Variants in SPATA13 observed in about 807,000 individuals in gnomAD.
SPATA13 encodes the protein spermatogenesis-associated protein 13.
In SPATA13, 50 loss-of-function variants were observed where a neutral mutation model predicts 104.0. That is an observed-to-expected ratio of 0.48 (90% confidence interval 0.38 to 0.61). The LOEUF is 0.61. Among genes scored for constraint, SPATA13 ranks in the 20% least tolerant of loss-of-function variants. SPATA13 has a pLI of 0.00. For synonymous variants in SPATA13, 606 were observed against 667.5 expected (o/e 0.91, Z 1.42); for missense variants, 1,524 against 1,690.6 (o/e 0.90, Z 1.73).
intron 3 of SPATA13, among the ~76,000 whole-genome samples, chr13:24,037,308 A>G (rs955346094): frequency 4.6e-5 from 7 of 151,850 alleles, no homozygotes; most frequent in African/African-American, 1.7e-4. Flanking sequence ...CATATGTAAC[A>G]AACCTGCACG....
intron 3 of SPATA13, among the ~76,000 whole-genome samples, chr13:24,153,013 G>T (rs1882147841): frequency 6.6e-6 from 1 of 152,210 alleles, no homozygotes; most frequent in East Asian, 1.9e-4. Flanking sequence ...CAAAACAAAA[G>T]CAGTGTTGTG....
At chr13:24,160,250 G>T (rs979388922), upstream of SPATA13, among the ~76,000 whole-genome samples, 37 of 152,088 alleles carry the variant, frequency 2.4e-4, no homozygotes, top group Non-Finnish European at 4.7e-4. Flanking sequence ...ATTTTTGTTT[G>T]TTTCTTTTTT....
chr13:24,203,512 T>C (rs1334090776), intron 1 of SPATA13, among the ~76,000 whole-genome samples: 2 of 152,196 alleles, frequency 1.3e-5, no homozygotes, highest in African/African-American at 4.8e-5. Context: ...CATTGTTTCC[T>C]TAAACTTTGC....
chr13:24,289,770 T>C (rs1162187990), intron 8 of SPATA13, among the ~76,000 whole-genome samples: 1 of 152,206 alleles, frequency 6.6e-6, no homozygotes, highest in Admixed American at 6.5e-5. Flanking sequence ...TATGATTGAC[T>C]ATTACTACTT....
intron 2 of SPATA13, among the ~76,000 whole-genome samples, chr13:24,236,893 T>C (rs1342354793): frequency 1.3e-5 from 2 of 152,192 alleles, no homozygotes; most frequent in African/African-American, 4.8e-5. Flanking sequence ...TTTCTGGGTA[T>C]ATGTCCAAAA....
intron 1 of SPATA13, among the ~76,000 whole-genome samples, chr13:24,176,390 C>T (rs1566134099): frequency 1.3e-5 from 2 of 152,288 alleles, no homozygotes; most frequent in African/African-American, 4.8e-5. Flanking sequence ...AGACCTTGGT[C>T]TATTACTTTT....
intron 3 of SPATA13, among the ~76,000 whole-genome samples, chr13:24,070,652 G>C (rs1038610717): frequency 2.6e-5 from 4 of 152,168 alleles, no homozygotes; most frequent in African/African-American, 9.7e-5. Context: ...TTTTGGATGA[G>C]ATTAACATTT....
chr13:24,020,013 C>A (rs537251020), intron 3 of SPATA13, among the ~76,000 whole-genome samples: 1 of 152,144 alleles, frequency 6.6e-6, no homozygotes, highest in Admixed American at 6.5e-5. Flanking sequence ...TAAGCTCTAT[C>A]TTTATTGCAC....
chr13:23,984,038 AT>A, intron 2 of SPATA13: 2 of 811,224 alleles, frequency 2.5e-6, no homozygotes, highest in South Asian at 1.1e-4. Flanking sequence ...AGCCAGTAGA[AT>A]TTGAAGGTTT....
chr13:24,108,874 A>C (rs574176425), intron 3 of SPATA13, among the ~76,000 whole-genome samples: 2 of 152,064 alleles, frequency 1.3e-5, no homozygotes, highest in African/African-American at 4.8e-5. Flanking sequence ...ACCTAGTAAC[A>C]CATTTGTATT....
intron 2 of SPATA13, among the ~76,000 whole-genome samples, chr13:24,236,041 G>A (rs881428): frequency 0.48 from 73,200 of 151,840 alleles, 18,079 homozygotes; most frequent in African/African-American, 0.58. Context: ...GCTTGGAAAA[G>A]TTCAAGGACT....
rs148133192 is a variant in SPATA13, at chr13:24,123,282, A to G, written c.-111-99537A>G. ...TTTCACAGGCATTTCTCTATCATCA[A>G]TCAGACATCTTCTTGTCAGCTCTAA... On this transcript the variant is annotated intron_variant, in intron 3 of 14. Transcript: ENST00000424834. The G allele has an allele frequency of 2.5e-3, 3,985 of 1,585,460 alleles. 51 individuals carry two copies. Among genetic ancestry groups the G allele is most frequent in the Non-Finnish European group, 1.2e-3 (1,368 of 1,155,184 alleles).
At chr13:24,069,156 A>G (rs775988671) in intron 3 of SPATA13, among the ~76,000 whole-genome samples, 6 of 152,272 alleles carry the variant, frequency 3.9e-5, no homozygotes, top group Non-Finnish European at 8.8e-5. Context: ...TAGTTCCATG[A>G]AAAATCTCAA....
chr13:23,986,937 A>G (rs1009276337), intron 2 of SPATA13, among the ~76,000 whole-genome samples: 64 of 151,042 alleles, frequency 4.2e-4, no homozygotes, highest in African/African-American at 1.4e-3. Flanking sequence ...ATCACCTACC[A>G]TTTTACATTA....
At chr13:24,171,648 G>C (rs973617846) in intron 1 of SPATA13, among the ~76,000 whole-genome samples, 1 of 152,200 alleles carries the variant, frequency 6.6e-6, no homozygotes, top group African/African-American at 2.4e-5. Context: ...TTCTGCATTT[G>C]TCCTTGTATC....
At position 24,161,024 on chromosome 13, in the gene SPATA13, G is replaced by A; in HGVS notation, c.-112+92G>A. Reference sequence around the variant, plus strand: ...GGGAGGATTTGAGTCCCAGTGGACTGCCTCGGGGCTTCGGGATGTCCAGCT... The same window carrying A: ...GGGAGGATTTGAGTCCCAGTGGACTACCTCGGGGCTTCGGGATGTCCAGCT... On this transcript the variant is annotated intron_variant, in intron 1 of 12. Transcript: ENST00000382108. The surrounding 1 kb of genome is among the most constrained non-coding windows in gnomAD (Gnocchi z 4.5). The A allele has an allele frequency of 1.3e-6, 1 of 777,004 alleles. No homozygotes were observed. 48.1% of individuals were successfully genotyped at this position (777,004 alleles called of 1,614,324 possible). A position where few individuals can be genotyped will look rare whatever the true frequency, so the allele number is the denominator to read the frequency against.
intron 1 of SPATA13, among the ~76,000 whole-genome samples, chr13:23,983,021 C>T (rs888096756): frequency 1.3e-5 from 2 of 152,132 alleles, no homozygotes; most frequent in Non-Finnish European, 2.9e-5. Context: ...AGAGGGGCTC[C>T]CTGGAGCAAA....
At chr13:24,154,438 A>G (rs1390536833) in intron 3 of SPATA13, among the ~76,000 whole-genome samples, 2 of 152,212 alleles carry the variant, frequency 1.3e-5, no homozygotes, top group African/African-American at 4.8e-5. Flanking sequence ...TACATCCTGC[A>G]TGACTCCATT....
rs547727124 is a variant in SPATA13, at chr13:24,168,735, C to T, written c.-112+7803C>T. Among the ~76,000 whole-genome samples the T allele has an allele frequency of 3.3e-4, 50 of 152,182 alleles. No individual in the cohort carries two copies. The East Asian group carries it at 8.9e-3, about 27-fold the overall frequency. ...CTTCTGAAATAACATCCCTCCAGCC[C>T]TCATTCAAAACAAGAAAGAAGGAAG... On this transcript the variant is annotated intron_variant, in intron 1 of 12. Coordinates refer to ENST00000382108, the MANE Select transcript of SPATA13 (RefSeq NM_001166271.3).
Sources: allele counts gnomAD v4.1 joint callset (sites outside exome capture counted in the v4.1 genomes callset), GRCh38; gene constraint gnomAD v4.1.1; non-coding constraint Gnocchi (gnomAD v3.1); transcripts MANE v1.5; gene names NCBI Gene and HGNC (gene_info 2026-07-23, HGNC 2026-07-21).